Variants in SCUBE2 observed in about 807,000 individuals in gnomAD.
The protein encoded by SCUBE2 is signal peptide, CUB and EGF-like domain-containing protein 2.
SCUBE2 carries 114 observed loss-of-function variants against 125.9 expected under a neutral mutation model. That is an observed-to-expected ratio of 0.91 (90% CI 0.78 to 1.06). SCUBE2 has a LOEUF of 1.06. SCUBE2 is among the 50% of genes least tolerant of loss of function. The pLI is 0.00. For synonymous variants in SCUBE2, 459 were observed against 492.9 expected (o/e 0.93, Z 0.91); for missense variants, 1,255 against 1,301.8 (o/e 0.96, Z 0.55).
intron 7 of SCUBE2, among the ~76,000 whole-genome samples, chr11:9,063,709 G>A (rs1475617524): frequency 6.6e-6 from 1 of 152,208 alleles, no homozygotes; most frequent in African/African-American, 2.4e-5. Flanking sequence ...CAGGAGAGCG[G>A]CAAAGGGAAT....
chr11:9,063,804 G>A (rs1011705436), intron 7 of SCUBE2, among the ~76,000 whole-genome samples: 5 of 152,286 alleles, frequency 3.3e-5, no homozygotes, highest in South Asian at 2.1e-4. Context: ...GGAAGCCTCC[G>A]AGGAAACTTT....
Position 9,053,646 on chromosome 11 carries a change from CT to C in SCUBE2, c.1320del (p.Asp441ThrfsTer5). ...HPGYKLHWNK[K>X]DCVEVKGLLP... is the part of the protein sequence containing the mutation. ...CCTCGGTTCCCCTTACCCACACAGT[CT>C]TTTTTATTCCAGTGGAGCTTGTACC... On this transcript the variant is annotated frameshift_variant, in exon 11 of 23. Coordinates refer to ENST00000649792, the MANE Select transcript of SCUBE2 (RefSeq NM_001367977.2). LOFTEE classifies it high-confidence loss of function. 6.2e-7 allele frequency: 1 copy of C among 1,614,016 alleles called. No homozygotes were observed.
intron 3 of SCUBE2, among the ~76,000 whole-genome samples, chr11:9,075,330 A>G (rs1432928436): frequency 6.6e-6 from 1 of 152,146 alleles, no homozygotes; most frequent in Non-Finnish European, 1.5e-5. Context: ...ACATCTGGTC[A>G]TGGGGTATCG....
chr11:9,048,166 G>A, intron 14 of SCUBE2, 68 bp from the exon 15 acceptor site: 1 of 1,488,656 alleles, frequency 6.7e-7, no homozygotes, highest in Non-Finnish European at 9.1e-7. Context: ...ATTTGCTAGA[G>A]CTCAGTAAAC....
intron 16 of SCUBE2, among the ~76,000 whole-genome samples, chr11:9,042,976 G>A (rs1290143619): frequency 1.3e-5 from 2 of 152,130 alleles, no homozygotes; most frequent in Admixed American, 1.3e-4. Context: ...CTCCAGTAAA[G>A]TCAGAGAGAT....
intron 3 of SCUBE2, among the ~76,000 whole-genome samples, chr11:9,076,804 C>A (rs559856532): frequency 6.6e-6 from 1 of 152,182 alleles, no homozygotes; most frequent in Non-Finnish European, 1.5e-5. Context: ...TGATGGGACT[C>A]AAGCCATCCC....
chr11:9,073,563 G>A (rs560225102), intron 4 of SCUBE2, among the ~76,000 whole-genome samples: 187 of 152,246 alleles, frequency 1.2e-3, no homozygotes, highest in Non-Finnish European at 2.4e-3. Flanking sequence ...ATAAATTTGT[G>A]ATTAAATAGT....
chr11:9,085,586 C>T (rs1012382885), intron 2 of SCUBE2, among the ~76,000 whole-genome samples: 1 of 151,854 alleles, frequency 6.6e-6, no homozygotes, highest in African/African-American at 2.4e-5. Flanking sequence ...ATTAGCCAGG[C>T]GTGGTGGTGG....
Position 9,021,056 on chromosome 11 carries a change from G to A in SCUBE2, c.3076C>T (p.Pro1026Ser). The change falls in exon 23 of 23, where the codon CCT becomes TCT. Residue 1026 changes from proline (P) to serine (S), a missense_variant. Pro to Ser is a moderately conservative substitution (Grantham distance 74). Transcript: ENST00000649792. ...GCACGTGGGCTGAGTCATTTGTAAGGTCTCAAAAACCTGGACACTTTGGAA... is the reference window on the plus strand; with the variant it reads ...GCACGTGGGCTGAGTCATTTGTAAGATCTCAAAAACCTGGACACTTTGGAA... ...LRSKVSRFLRPYK is the reference protein window; with the variant it reads ...LRSKVSRFLRSYK 6.2e-7 allele frequency: 1 copy of A among 1,613,290 alleles called. No individual in the cohort carries two copies. Among genetic ancestry groups the A allele is most frequent in the Non-Finnish European group, 8.5e-7 (1 of 1,179,670 alleles).
At chr11:9,088,934 C>T (rs954665134) in intron 2 of SCUBE2, among the ~76,000 whole-genome samples, 1 of 152,190 alleles carries the variant, frequency 6.6e-6, no homozygotes. Flanking sequence ...CTCTGGCCCT[C>T]AGTGTCCCCA....
intron 16 of SCUBE2, among the ~76,000 whole-genome samples, chr11:9,038,674 C>T (rs1856949942): frequency 6.6e-6 from 1 of 152,022 alleles, no homozygotes; most frequent in Non-Finnish European, 1.5e-5. Flanking sequence ...AATAGCCTTG[C>T]AATGAGATTG....
intron 7 of SCUBE2, among the ~76,000 whole-genome samples, chr11:9,064,090 T>C (rs79015971): frequency 0.019 from 2,873 of 152,154 alleles, 56 homozygotes; most frequent in East Asian, 0.12. Context: ...TGTGTGTGTA[T>C]TGCGGGGGGA....
Position 9,021,920 on chromosome 11 carries a change from C to T in SCUBE2, c.2890G>A (p.Asp964Asn). The change falls in exon 22 of 23, where the codon GAT (aspartate) becomes AAT (asparagine). Residue 964 changes from aspartate (D) to asparagine (N), a missense_variant. Coordinates refer to ENST00000649792, the MANE Select transcript of SCUBE2 (RefSeq NM_001367977.2). ...YQELIEDIVR[D>N]GRLYASENHQ... ...TTCTCAGATGCATAGAGCCTGCCAT[C>T]TCGAACTATGTCTTCAATGAGTTCC... 1 of 1,614,028 alleles carries T rather than the reference C, an allele frequency of 6.2e-7. No individual in the cohort carries two copies. Among genetic ancestry groups the T allele is most frequent in the Non-Finnish European group, 8.5e-7 (1 of 1,179,902 alleles).
chr11:9,087,522 G>C (rs1232874512), intron 2 of SCUBE2, among the ~76,000 whole-genome samples: 1 of 152,044 alleles, frequency 6.6e-6, no homozygotes, highest in Non-Finnish European at 1.5e-5. Flanking sequence ...AGGGGGAGGG[G>C]GGAAGAGAGA....
chr11:9,032,112 ATT>A (rs1566170293), intron 17 of SCUBE2, among the ~76,000 whole-genome samples: 1 of 151,936 alleles, frequency 6.6e-6, no homozygotes, highest in Non-Finnish European at 1.5e-5. Context: ...TATTACTAAT[ATT>A]CTTATTGCTG....
At chr11:9,087,843 G>A (rs1862242230) in intron 2 of SCUBE2, among the ~76,000 whole-genome samples, 1 of 152,176 alleles carries the variant, frequency 6.6e-6, no homozygotes, top group African/African-American at 2.4e-5. Context: ...GGTGGATAGG[G>A]AGGATCAGGT....
rs550437404 is a variant in SCUBE2, at chr11:9,054,830, G to C, written c.1207+963C>G. ...GGCTCACTGCAACCTCCACCTCCCGGGTTCAAGCAATTTTCCTGCCTCAGC... is the reference window on the plus strand; with the variant it reads ...GGCTCACTGCAACCTCCACCTCCCGCGTTCAAGCAATTTTCCTGCCTCAGC... On this transcript the variant is annotated intron_variant, in intron 10 of 22. Coordinates refer to ENST00000649792, the MANE Select transcript of SCUBE2 (RefSeq NM_001367977.2). Among the ~76,000 whole-genome samples, 273 of 141,446 alleles carry C rather than the reference G, an allele frequency of 1.9e-3. 2 individuals are homozygous for C. Among genetic ancestry groups the C allele is most frequent in the Non-Finnish European group, 2.7e-3 (182 of 66,758 alleles). 92.8% of individuals were successfully genotyped at this position (141,446 alleles called of 152,430 possible).
intron 3 of SCUBE2, among the ~76,000 whole-genome samples, chr11:9,074,986 C>T (rs1206115743): frequency 6.6e-6 from 1 of 152,128 alleles, no homozygotes; most frequent in Non-Finnish European, 1.5e-5. Flanking sequence ...GAGGCTGAGG[C>T]AGGCGGATCA....
At chr11:9,059,264 T>C (rs1859423693) in intron 9 of SCUBE2, 39 bp downstream of exon 9, 1 of 1,603,266 alleles carries the variant, frequency 6.2e-7, no homozygotes, top group Admixed American at 1.7e-5. Flanking sequence ...CTCCAACCTG[T>C]GGGCCATTGC....
Sources: gnomAD v4.1 joint callset for allele counts (sites outside exome capture counted in the v4.1 genomes callset) on GRCh38, gnomAD v4.1.1 for gene constraint, MANE v1.5 for transcripts, NCBI Gene and HGNC (gene_info 2026-07-23, HGNC 2026-07-21) for gene names.